Variants in HMBOX1 observed in about 807,000 individuals in gnomAD.
HMBOX1 encodes the protein homeobox containing 1, also known as homeobox-containing protein 1.
HMBOX1 carries 14 observed loss-of-function variants against 54.5 expected under a neutral mutation model. The ratio of observed to expected loss-of-function variants is 0.26; its 90% CI spans 0.17 to 0.40. The LOEUF (loss-of-function observed/expected upper bound fraction) is 0.40, where lower values mean the gene tolerates loss of function less well. Among genes scored for constraint, HMBOX1 ranks in the 10% least tolerant of loss-of-function variants. The probability of loss-of-function intolerance (pLI) is 1.00; values close to 1 mark genes in which losing one functional copy is unlikely to be tolerated. For synonymous variants in HMBOX1, 160 were observed against 181.0 expected (o/e 0.88, Z 0.93); for missense variants, 332 against 514.4 (o/e 0.65, Z 3.43).
chr8:28,985,330 G>A (rs1230253720), intron 4 of HMBOX1, among the ~76,000 whole-genome samples: 2 of 152,052 alleles, frequency 1.3e-5, no homozygotes, highest in Non-Finnish European at 2.9e-5. Flanking sequence ...TTTTATTGGG[G>A]CACTAATTCT....
At chr8:28,908,971 G>A (rs1448107523) in intron 1 of HMBOX1, among the ~76,000 whole-genome samples, 1 of 151,812 alleles carries the variant, frequency 6.6e-6, no homozygotes, top group Non-Finnish European at 1.5e-5. Context: ...GTAGTGGTTT[G>A]CACCTGTAGT....
At position 29,051,302 on chromosome 8, in the gene HMBOX1, C is replaced by G. The variant is rs1397990068; in HGVS notation, c.*147C>G. On this transcript the variant is annotated 3_prime_UTR_variant, in exon 10 of 10. Coordinates refer to ENST00000287701, the MANE Select transcript of HMBOX1 (RefSeq NM_001135726.3). ...TTAGGGTCTTGTTCTGTGAAGATGGCATGGTGCCCTCAGCCTTTGCATATA... is the reference window on the plus strand; with the variant it reads ...TTAGGGTCTTGTTCTGTGAAGATGGGATGGTGCCCTCAGCCTTTGCATATA... 1 of 810,278 alleles carries G rather than the reference C, an allele frequency of 1.2e-6. No individual in the cohort carries two copies. The allele number at this position is 810,278 out of a possible 1,614,324, so 50.2% of individuals were successfully genotyped here. A position where few individuals can be genotyped will look rare whatever the true frequency, so the allele number is the denominator to read the frequency against.
At chr8:28,923,804 C>T (rs1817941140) in intron 1 of HMBOX1, among the ~76,000 whole-genome samples, 2 of 151,648 alleles carry the variant, frequency 1.3e-5, no homozygotes, top group African/African-American at 2.4e-5. Flanking sequence ...TTAATTTTAG[C>T]CATCGTAGTG....
chr8:28,957,275 G>T (rs754187808), intron 1 of HMBOX1, among the ~76,000 whole-genome samples: 11 of 152,114 alleles, frequency 7.2e-5, no homozygotes, highest in Non-Finnish European at 1.5e-4. Flanking sequence ...GGGTACAGCT[G>T]GACTCCATTA....
chr8:28,960,905 G>T (rs71521317), intron 1 of HMBOX1, among the ~76,000 whole-genome samples: 20 of 148,370 alleles, frequency 1.3e-4, no homozygotes, highest in Non-Finnish European at 2.8e-4. Flanking sequence ...TCCTGCCTCA[G>T]ACTCCTGAGC....
intron 1 of HMBOX1, among the ~76,000 whole-genome samples, chr8:28,925,254 G>C (rs1818249241): frequency 6.6e-6 from 1 of 152,122 alleles, no homozygotes; most frequent in Non-Finnish European, 1.5e-5. Flanking sequence ...GAGTGCATGG[G>C]GTGTTTTGTA....
intron 6 of HMBOX1, among the ~76,000 whole-genome samples, chr8:29,035,546 T>C (rs1001481831): frequency 6.6e-6 from 1 of 152,188 alleles, no homozygotes; most frequent in Non-Finnish European, 1.5e-5. Context: ...AGGAGTATAC[T>C]ACTGCCATTG....
At chr8:28,927,706 A>C (rs1818775700) in intron 1 of HMBOX1, among the ~76,000 whole-genome samples, 1 of 151,968 alleles carries the variant, frequency 6.6e-6, no homozygotes, top group African/African-American at 2.4e-5. Context: ...AGGTACAAAC[A>C]AACCATATGT....
intron 6 of HMBOX1, among the ~76,000 whole-genome samples, chr8:29,029,727 A>G (rs532543651): frequency 6.6e-6 from 1 of 152,358 alleles, no homozygotes; most frequent in South Asian, 2.1e-4. Flanking sequence ...ACCGTAAAAT[A>G]TGATTTGAAG....
At chr8:28,927,851 A>AG (rs1818814397) in intron 1 of HMBOX1, among the ~76,000 whole-genome samples, 1 of 150,564 alleles carries the variant, frequency 6.6e-6, no homozygotes, top group African/African-American at 2.4e-5. Flanking sequence ...AAAAAAAAAA[A>AG]AAAAGCCAGG....
chr8:28,921,613 CAT>C (rs1465616526), intron 1 of HMBOX1, among the ~76,000 whole-genome samples: 1 of 152,132 alleles, frequency 6.6e-6, no homozygotes, highest in Non-Finnish European at 1.5e-5. Context: ...TTGATAACTG[CAT>C]ATGTTTCATT....
chr8:28,999,960 AGTTTT>A (rs1451090242), intron 4 of HMBOX1, among the ~76,000 whole-genome samples: 1 of 152,134 alleles, frequency 6.6e-6, no homozygotes, highest in East Asian at 1.9e-4. Flanking sequence ...ATGTCTCATA[AGTTTT>A]GTTTTAAAAC....
Position 28,949,350 on chromosome 8 carries a change from G to T in HMBOX1, c.-57-14461G>T, listed in dbSNP as rs1478547923. The stretch of plus-strand genomic sequence containing the variant: ...GGCTTAACAGAGTTTGGCCTGCAAG[G>T]CACTGTGATGTAGATCATAAATCAG... On this transcript the variant is annotated intron_variant, in intron 1 of 9. Coordinates refer to ENST00000287701, the MANE Select transcript of HMBOX1 (RefSeq NM_001135726.3). 2.3e-4 allele frequency among the ~76,000 whole-genome samples: 35 copies of T among 152,138 alleles called. 1 individual carries two copies. The highest frequency in any genetic ancestry group is 2.3e-3 in the Admixed American group (35 of 15,268).
At chr8:28,912,575 G>C (rs1815660538) in intron 1 of HMBOX1, among the ~76,000 whole-genome samples, 1 of 152,108 alleles carries the variant, frequency 6.6e-6, no homozygotes, top group Non-Finnish European at 1.5e-5. Flanking sequence ...TCAGTTTTCT[G>C]GTTTGATATT....
At chr8:29,036,490 G>GA (rs1489870547) in intron 6 of HMBOX1, among the ~76,000 whole-genome samples, 1 of 152,126 alleles carries the variant, frequency 6.6e-6, no homozygotes, top group Admixed American at 6.5e-5. Context: ...CTCTACTCAG[G>GA]AAAAAAGGAA....
chr8:28,994,494 T>C (rs1347980592), intron 4 of HMBOX1, among the ~76,000 whole-genome samples: 1 of 152,182 alleles, frequency 6.6e-6, no homozygotes, highest in African/African-American at 2.4e-5. Flanking sequence ...ATGAATATAC[T>C]TTTTAAAGCT....
chr8:29,009,471 A>G (rs1324472109), intron 5 of HMBOX1: 4 of 974,398 alleles, frequency 4.1e-6, no homozygotes, highest in East Asian at 2.3e-4. Flanking sequence ...ATGAATGTTC[A>G]GTGGCTGATT....
At chr8:28,987,075 A>G (rs955294769) in intron 4 of HMBOX1, among the ~76,000 whole-genome samples, 8 of 152,170 alleles carry the variant, frequency 5.3e-5, no homozygotes, top group African/African-American at 1.9e-4. Flanking sequence ...TTTTTGGTGT[A>G]AATACTAGGA....
intron 1 of HMBOX1, among the ~76,000 whole-genome samples, chr8:28,928,710 A>G (rs903113638): frequency 1.3e-5 from 2 of 152,226 alleles, no homozygotes; most frequent in Admixed American, 1.3e-4. Context: ...TGTTGCATCA[A>G]AGAGAAAATA....
Sources: allele counts gnomAD v4.1 joint callset (sites outside exome capture counted in the v4.1 genomes callset), GRCh38; gene constraint gnomAD v4.1.1; transcripts MANE v1.5; gene names NCBI Gene and HGNC (gene_info 2026-07-23, HGNC 2026-07-21).